PDCL: variants seen among roughly 807,000 people sequenced by gnomAD.
The protein encoded by PDCL is phosducin like.
PDCL carries 11 observed loss-of-function variants against 26.7 expected under a neutral mutation model. The ratio of observed to expected loss-of-function variants is 0.41; its 90% CI spans 0.26 to 0.68. PDCL has a LOEUF of 0.68. Ranked by LOEUF, PDCL falls within the 30% of genes least tolerant of loss-of-function variation. The pLI is 0.30. For synonymous variants in PDCL, 118 were observed against 134.9 expected (o/e 0.87, Z 0.87); for missense variants, 330 against 371.6 (o/e 0.89, Z 0.92).
intron 3 of PDCL, 184 bp from the exon 4 acceptor site, chr9:122,820,820 C>CT: frequency 4.4e-6 from 2 of 452,542 alleles, no homozygotes; most frequent in South Asian, 4.5e-5. Flanking sequence ...CTCATCTCTC[C>CT]TTAAAAAAAA....
intron 1 of PDCL, among the ~76,000 whole-genome samples, chr9:122,827,177 A>T (rs540811647): frequency 6.6e-6 from 1 of 152,170 alleles, no homozygotes; most frequent in Non-Finnish European, 1.5e-5. Context: ...CTGTGCTTTT[A>T]GTTTTCCCAC....
chr9:122,819,903 A>C lies in PDCL; in HGVS notation c.*182T>G. The stretch of plus-strand genomic sequence containing the variant: ...CTTCCTGTTTATACAACTGTAAGTC[A>C]CCTTATTGCTAGCTACAAGGTTATT... On this transcript the variant is annotated 3_prime_UTR_variant, in exon 4 of 4. Transcript: ENST00000259467. The C allele has an allele frequency of 1.9e-6, 1 of 518,088 alleles. No homozygotes were observed. The allele number at this position is 518,088 out of a possible 1,614,324, so 32.1% of individuals were successfully genotyped here. A position where few individuals can be genotyped will look rare whatever the true frequency, so the allele number is the denominator to read the frequency against.
chr9:122,826,592 C>G lies in PDCL; in HGVS notation c.172+24G>C, dbSNP rs894442665. On this transcript the variant is annotated intron_variant, in intron 2 of 3. Transcript: ENST00000259467. The stretch of plus-strand genomic sequence containing the variant: ...TAATGTACATTTTTTAAGCCTGTTC[C>G]CAGAGCCCAGGGTTTCTCAGTACCT... 2.5e-6 allele frequency: 4 copies of G among 1,593,358 alleles called. No individual in the cohort carries two copies. The African/African-American group carries it at 5.4e-5, about 21-fold the overall frequency.
intron 2 of PDCL, among the ~76,000 whole-genome samples, chr9:122,825,407 C>A (rs1374312533): frequency 6.6e-6 from 1 of 152,156 alleles, no homozygotes; most frequent in Non-Finnish European, 1.5e-5. Flanking sequence ...GGCAGTCCAC[C>A]CGCCTCAACC....
chr9:122,820,966 C>A, intron 3 of PDCL: 1 of 241,628 alleles, frequency 4.1e-6, no homozygotes, highest in South Asian at 5.4e-5. Flanking sequence ...CCAGTGCACT[C>A]CAGCCTGGGA....
chr9:122,827,558 A>C (rs1430546828), intron 1 of PDCL, among the ~76,000 whole-genome samples: 1 of 151,952 alleles, frequency 6.6e-6, no homozygotes, highest in Non-Finnish European at 1.5e-5. Context: ...CTACTAGTAA[A>C]AGCAAACAAA....
rs939167769 is a variant in PDCL at position 122,825,313 on chromosome 9, C to G, written c.172+1303G>C. Among the ~76,000 whole-genome samples the G allele has an allele frequency of 2.0e-5, 3 of 151,956 alleles. No individual in the cohort carries two copies. In the South Asian group the frequency reaches 6.2e-4, roughly 32 times the overall value. On this transcript the variant is annotated intron_variant, in intron 2 of 3. Coordinates refer to ENST00000259467, the MANE Select transcript of PDCL (RefSeq NM_005388.5). ...AGTAGTTGGGCCTACAGCCGCATGC[C>G]CCCACACCTGGCTAACTTTTTGTAT...
rs566872312 is a variant in PDCL, at chr9:122,823,824, C to T, written c.173-627G>A. Among the ~76,000 whole-genome samples, 267 of 146,898 alleles carry T rather than the reference C, an allele frequency of 1.8e-3. 1 individual carries two copies. Among genetic ancestry groups the T allele is most frequent in the Non-Finnish European group, 3.0e-3 (200 of 67,630 alleles). The stretch of plus-strand genomic sequence containing the variant: ...TTGCTCTGTGGCCCAGGCTGGGGTG[C>T]AATGGCGCGATCTCGGCTCACTGCA... On this transcript the variant is annotated intron_variant, in intron 2 of 3. Transcript: ENST00000259467.
chr9:122,825,100 C>T (rs985643403), intron 2 of PDCL, among the ~76,000 whole-genome samples: 3 of 151,584 alleles, frequency 2.0e-5, no homozygotes, highest in Admixed American at 6.6e-5. Flanking sequence ...GTGAATTCCA[C>T]ATGAATCAAT....
At chr9:122,822,944 A>G in intron 3 of PDCL, 72 bp downstream of exon 3, 2 of 1,341,210 alleles carry the variant, frequency 1.5e-6, no homozygotes, top group East Asian at 2.3e-5. Context: ...AGCATCCTCC[A>G]CCTCTTGAAT....
Position 122,823,179 on chromosome 9 carries a change from T to C in PDCL, c.191A>G (p.Asn64Ser), listed in dbSNP as rs143682667. 3.2e-5 allele frequency: 51 copies of C among 1,613,996 alleles called. No homozygotes were observed. The highest frequency in any genetic ancestry group is 6.7e-5 in the Admixed American group (4 of 59,990). ...SVNTGPKGVI[N>S]DWRRFKQLET... ...CAACTGCTTGAAGCGGCGCCAGTCA[T>C]TGATCACACCTTTTGGGCCTGAGTA... The change falls in exon 3 of 4, where the codon AAT (asparagine) becomes AGT (serine). Residue 64 changes from asparagine (N) to serine (S), a missense_variant. Asn to Ser is a conservative substitution (Grantham distance 46). Coordinates refer to ENST00000259467, the MANE Select transcript of PDCL (RefSeq NM_005388.5).
chr9:122,822,954 T>C, intron 3 of PDCL, 62 bp downstream of exon 3: 2 of 1,427,810 alleles, frequency 1.4e-6, no homozygotes, highest in Non-Finnish European at 2.0e-6. Flanking sequence ...ACCTCTTGAA[T>C]CACTCACCCA....
Position 122,826,632 on chromosome 9 carries a change from G to C in PDCL, c.156C>G (p.Gly52=). ...TCTCAGTACCTGTGTTAACTGAGAT[G>C]CCTTCGCCTGCCAGCTCAGCCTCTG... is the stretch of plus-strand genomic sequence containing the variant. The part of the protein sequence containing the change: ...VPAEAELAGE[G]ISVNTGPKGV... The change falls in exon 2 of 4, where the codon GGC becomes GGG. Residue 52 remains glycine (G), a synonymous_variant. Coordinates refer to ENST00000259467, the MANE Select transcript of PDCL (RefSeq NM_005388.5). The C allele has an allele frequency of 1.2e-6, 2 of 1,614,088 alleles. No individual in the cohort carries two copies. Among genetic ancestry groups the C allele is most frequent in the Non-Finnish European group, 1.7e-6 (2 of 1,179,984 alleles).
Position 122,820,319 on chromosome 9 carries a change from G to A in PDCL, c.672C>T (p.Ala224=). The A allele has an allele frequency of 6.2e-7, 1 of 1,614,148 alleles. No individual in the cohort carries two copies. The highest frequency in any genetic ancestry group is 8.5e-7 in the Non-Finnish European group (1 of 1,180,022). The change falls in exon 4 of 4, where the codon GCC becomes GCT. Residue 224 remains alanine (A), a synonymous_variant. Coordinates refer to ENST00000259467, the MANE Select transcript of PDCL (RefSeq NM_005388.5). ...FCKVKSSVIG[A]SSQFTRNALP... is the part of the protein sequence containing the mutation. ...GGGCATTCCTGGTGAACTGACTGCT[G>A]GCGCCAATAACTGAGCTCTTCACCT... is the stretch of plus-strand genomic sequence containing the variant.
intron 3 of PDCL, among the ~76,000 whole-genome samples, chr9:122,821,393 C>T (rs930935562): frequency 2.0e-4 from 30 of 151,846 alleles, no homozygotes; most frequent in Non-Finnish European, 1.8e-4. Flanking sequence ...TCTCATAACC[C>T]CTGCCCCACA....
Sources: gnomAD v4.1 joint callset for allele counts (sites outside exome capture counted in the v4.1 genomes callset) on GRCh38, gnomAD v4.1.1 for gene constraint, MANE v1.5 for transcripts, NCBI Gene and HGNC (gene_info 2026-07-23, HGNC 2026-07-21) for gene names.